Variants in PARL observed in about 807,000 individuals in gnomAD.
PARL encodes presenilin-associated rhomboid-like protein, mitochondrial.
A neutral mutation model predicts 51.6 loss-of-function variants in PARL; 44 were observed. That is an observed-to-expected ratio of 0.85 (90% CI 0.67 to 1.10). The LOEUF (loss-of-function observed/expected upper bound fraction) is 1.10. Among genes scored for constraint, PARL ranks in the 50% least tolerant of loss-of-function variants. The probability of loss-of-function intolerance (pLI) is 0.00; values close to 1 mark genes in which losing one functional copy is unlikely to be tolerated. For synonymous variants in PARL, 172 were observed against 164.0 expected (o/e 1.05, Z -0.37); for missense variants, 441 against 469.5 (o/e 0.94, Z 0.56).
At chr3:183,870,692 A>T (rs997390135) in intron 1 of PARL, among the ~76,000 whole-genome samples, 2 of 151,950 alleles carry the variant, frequency 1.3e-5, no homozygotes, top group African/African-American at 4.8e-5. Context: ...ATAACTTTTC[A>T]TCACCCCATC....
intron 4 of PARL, among the ~76,000 whole-genome samples, chr3:183,855,968 AAAC>A (rs1731105061): frequency 7.7e-6 from 1 of 130,510 alleles, no homozygotes; most frequent in African/African-American, 2.8e-5. Flanking sequence ...AAAAATAAAC[AAAC>A]AAAAAAAAAA....
chr3:183,867,774 G>C, intron 2 of PARL, 91 bp downstream of exon 2: 1 of 886,056 alleles, frequency 1.1e-6, no homozygotes, highest in East Asian at 2.4e-5. Flanking sequence ...CCCTCTACCT[G>C]TCCTTACTTT....
Position 183,867,061 on chromosome 3 carries a change from C to T in PARL, c.322-296G>A, listed in dbSNP as rs552423736. Among the ~76,000 whole-genome samples the T allele has an allele frequency of 2.6e-4, 39 of 152,164 alleles. 2 individuals carry two copies. The South Asian group carries it at 7.7e-3, about 30-fold the overall frequency. On this transcript the variant is annotated intron_variant, in intron 2 of 9. Coordinates refer to ENST00000317096, the MANE Select transcript of PARL (RefSeq NM_018622.7). ...CTGGAGTAGCTAGGATTACAGGTAC[C>T]TGCCTCCAGGCCCGGCTAATTTTTG... is the stretch of plus-strand genomic sequence containing the variant.
intron 3 of PARL, among the ~76,000 whole-genome samples, chr3:183,865,478 G>A (rs368110849): frequency 2.9e-4 from 44 of 152,288 alleles, no homozygotes; most frequent in African/African-American, 1.0e-3. Flanking sequence ...GGTGAGCAGT[G>A]GGAGAGCATT....
intron 1 of PARL, among the ~76,000 whole-genome samples, chr3:183,876,635 A>T (rs1250382031): frequency 8.5e-6 from 1 of 117,418 alleles, no homozygotes; most frequent in East Asian, 2.3e-4. Flanking sequence ...AAAAAAAAAA[A>T]AAAGAAAAAG....
At chr3:183,830,528 G>A (rs946217042) in intron 9 of PARL, among the ~76,000 whole-genome samples, 5 of 152,214 alleles carry the variant, frequency 3.3e-5, no homozygotes, top group Non-Finnish European at 7.3e-5. Context: ...AGGATGTGGG[G>A]TGGATTTCCA....
At chr3:183,826,570 G>A (rs1405909033), downstream of PARL, 5 of 983,322 alleles carry the variant, frequency 5.1e-6, no homozygotes, top group Non-Finnish European at 6.0e-6. Flanking sequence ...GCACATCCCT[G>A]GCCAGTCAGA....
intron 1 of PARL, among the ~76,000 whole-genome samples, chr3:183,872,292 A>T (rs1298442285): frequency 6.6e-6 from 1 of 152,116 alleles, no homozygotes; most frequent in Non-Finnish European, 1.5e-5. Flanking sequence ...ATGTGCCACC[A>T]TGCCTGGCCT....
At chr3:183,859,335 G>A (rs1237407918) in intron 4 of PARL, among the ~76,000 whole-genome samples, 1 of 152,010 alleles carries the variant, frequency 6.6e-6, no homozygotes, top group African/African-American at 2.4e-5. Flanking sequence ...TGTAAGAAGG[G>A]GAGGTTTTTG....
chr3:183,838,633 T>C (rs996616952), intron 7 of PARL, among the ~76,000 whole-genome samples: 14 of 152,160 alleles, frequency 9.2e-5, no homozygotes, highest in Non-Finnish European at 2.1e-4. Flanking sequence ...CAGAAATAGA[T>C]GGTGTTATCC....
intron 1 of PARL, among the ~76,000 whole-genome samples, chr3:183,869,948 A>G (rs536968663): frequency 5.9e-5 from 9 of 151,918 alleles, no homozygotes; most frequent in East Asian, 2.0e-4. Context: ...TACTCTTTCA[A>G]TAAGACCACA....
intron 1 of PARL, among the ~76,000 whole-genome samples, chr3:183,882,390 TATGCAC>T (rs1734656820): frequency 3.9e-5 from 3 of 76,678 alleles, no homozygotes; most frequent in Non-Finnish European, 4.9e-5. Flanking sequence ...TATACATATA[TATGCAC>T]ATATACACAC....
At chr3:183,864,559 G>A (rs1180512471) in intron 3 of PARL, among the ~76,000 whole-genome samples, 8 of 152,036 alleles carry the variant, frequency 5.3e-5, no homozygotes, top group African/African-American at 9.7e-5. Context: ...GGCAGATCAC[G>A]AGGTCAGGAG....
At chr3:183,831,008 G>A (rs995519517) in intron 9 of PARL, among the ~76,000 whole-genome samples, 3 of 152,110 alleles carry the variant, frequency 2.0e-5, no homozygotes, top group East Asian at 1.9e-4. Context: ...ACAGAGTCGC[G>A]CTCTGTTGCC....
chr3:183,884,149 C>A (rs933038121), intron 1 of PARL, among the ~76,000 whole-genome samples: 1 of 152,192 alleles, frequency 6.6e-6, no homozygotes, highest in South Asian at 2.1e-4. Flanking sequence ...ATCAACCATA[C>A]GCTTCACACT....
chr3:183,879,230 T>C (rs1734167338), intron 1 of PARL, among the ~76,000 whole-genome samples: 1 of 152,220 alleles, frequency 6.6e-6, no homozygotes. Flanking sequence ...CACGATTGGC[T>C]TAAGCCAAAT....
At chr3:183,849,992 T>C (rs12107073) in intron 4 of PARL, among the ~76,000 whole-genome samples, 5,014 of 152,098 alleles carry the variant, frequency 0.033, 271 homozygotes, top group African/African-American at 0.11. Context: ...CTCGAAGAAA[T>C]AGAAAATCTG....
intron 1 of PARL, among the ~76,000 whole-genome samples, chr3:183,869,254 T>G (rs1223094652): frequency 1.3e-5 from 2 of 151,970 alleles, no homozygotes; most frequent in Non-Finnish European, 2.9e-5. Context: ...CCACCCAGGC[T>G]GGAGTACAAT....
chr3:183,878,178 T>C (rs973028440), intron 1 of PARL, among the ~76,000 whole-genome samples: 1 of 152,198 alleles, frequency 6.6e-6, no homozygotes, highest in Non-Finnish European at 1.5e-5. Context: ...GGTTGTTGTC[T>C]GCTTGCTCTT....
Sources: gnomAD v4.1 joint callset for allele counts (sites outside exome capture counted in the v4.1 genomes callset) on GRCh38, gnomAD v4.1.1 for gene constraint, MANE v1.5 for transcripts, NCBI Gene and HGNC (gene_info 2026-07-23, HGNC 2026-07-21) for gene names.